Variants in RARB observed in about 807,000 individuals in gnomAD.
RARB encodes retinoic acid receptor beta.
A neutral mutation model predicts 51.9 loss-of-function variants in RARB; 17 were observed. The ratio of observed to expected loss-of-function variants is 0.33; its 90% CI spans 0.22 to 0.49. The LOEUF (loss-of-function observed/expected upper bound fraction) is 0.49. RARB is among the 20% of genes least tolerant of loss of function. RARB has a pLI of 0.99. For missense variants in RARB, 369 were observed against 550.8 expected (o/e 0.67, Z 3.30); for synonymous variants, 215 against 195.4 (o/e 1.10, Z -0.84).
intron 5 of RARB, among the ~76,000 whole-genome samples, chr3:25,300,977 A>C (rs1420992850): frequency 6.6e-6 from 1 of 152,206 alleles, no homozygotes; most frequent in African/African-American, 2.4e-5. Context: ...AGCCTGAGCT[A>C]CAAAGCGAGA....
chr3:25,344,772 C>T (rs1185041952), intron 5 of RARB, among the ~76,000 whole-genome samples: 2 of 152,068 alleles, frequency 1.3e-5, no homozygotes, highest in African/African-American at 4.8e-5. Flanking sequence ...AGTGTAACTC[C>T]TGGTCATTCT....
At chr3:24,912,511 G>C (rs1695011262) in intron 2 of RARB, among the ~76,000 whole-genome samples, 1 of 152,140 alleles carries the variant, frequency 6.6e-6, no homozygotes, top group Non-Finnish European at 1.5e-5. Flanking sequence ...GGGTGGCCCT[G>C]TAGGGAGAAT....
rs545975289 is a variant in RARB, at chr3:25,296,659, C to T, written c.178+122084C>T. ...ATTACTGGAGGGGGAAAAAAACCCT[C>T]ACTCTAACTGGGAGGGTCAACTTAT... is the stretch of plus-strand genomic sequence containing the variant. On this transcript the variant is annotated intron_variant, in intron 5 of 11. Transcript: ENST00000383772. Among the ~76,000 whole-genome samples, 4 of 152,272 alleles carry T rather than the reference C, an allele frequency of 2.6e-5. No individual in the cohort carries two copies. In the South Asian group the frequency reaches 6.2e-4, roughly 24 times the overall value.
intron 5 of RARB, among the ~76,000 whole-genome samples, chr3:25,229,492 T>C (rs1702127998): frequency 1.3e-5 from 2 of 152,170 alleles, no homozygotes; most frequent in African/African-American, 4.8e-5. Context: ...TTGCTATCTA[T>C]TACTGATATT....
chr3:25,035,883 G>T (rs1212554585), intron 2 of RARB, among the ~76,000 whole-genome samples: 1 of 152,158 alleles, frequency 6.6e-6, no homozygotes, highest in African/African-American at 2.4e-5. Flanking sequence ...GTGAGCCTCA[G>T]TGACTGCCAC....
intron 5 of RARB, among the ~76,000 whole-genome samples, chr3:25,367,706 G>T (rs968465731): frequency 6.7e-6 from 1 of 150,176 alleles, no homozygotes; most frequent in African/African-American, 2.5e-5. Context: ...TGCATCTGCA[G>T]TCTCAGCTAC....
intron 5 of RARB, among the ~76,000 whole-genome samples, chr3:25,200,697 T>G (rs9868930): frequency 0.51 from 76,793 of 151,394 alleles, 20,126 homozygotes; most frequent in African/African-American, 0.63. Context: ...ATTAAATAGG[T>G]AATCCTTTCC....
At chr3:25,174,564 C>T (rs924487641) in exon 5 of RARB, 18 of 1,351,982 alleles carry the variant, frequency 1.3e-5, no homozygotes, top group South Asian at 2.3e-5. Context: ...TGCAGCACCC[C>T]GTCGCCGGCA....
At chr3:25,540,216 C>A (rs1244624728) in intron 3 of RARB, among the ~76,000 whole-genome samples, 2 of 152,152 alleles carry the variant, frequency 1.3e-5, no homozygotes. Context: ...AAGCATCCAG[C>A]CAGCGAGACC....
chr3:25,124,534 C>T (rs953756794), intron 3 of RARB, among the ~76,000 whole-genome samples: 3 of 152,174 alleles, frequency 2.0e-5, no homozygotes, highest in African/African-American at 7.2e-5. Flanking sequence ...TCTTCACACC[C>T]TTTCTGGGCC....
At chr3:24,938,730 G>A (rs183889085) in intron 2 of RARB, among the ~76,000 whole-genome samples, 15 of 152,068 alleles carry the variant, frequency 9.9e-5, no homozygotes, top group Non-Finnish European at 1.9e-4. Context: ...CATTCTCCCC[G>A]CCCTCAGTCC....
At chr3:24,866,321 A>C (rs139108648) in intron 2 of RARB, among the ~76,000 whole-genome samples, 62 of 151,926 alleles carry the variant, frequency 4.1e-4, no homozygotes, top group African/African-American at 1.4e-3. Flanking sequence ...CCACACCTCA[A>C]ATCCACTCTA....
At chr3:25,108,667 T>C (rs1181915710) in intron 3 of RARB, among the ~76,000 whole-genome samples, 3 of 152,208 alleles carry the variant, frequency 2.0e-5, no homozygotes, top group East Asian at 3.8e-4. Context: ...GTCTCTGCTA[T>C]GGTGTTTTTG....
In RARB at chr3:25,000,798, C is replaced by G. The variant is rs559267399; in HGVS notation, c.-379-59327C>G. 2.0e-5 allele frequency among the ~76,000 whole-genome samples: 3 copies of G among 152,266 alleles called. No individual in the cohort carries two copies. The East Asian group carries it at 5.8e-4, about 29-fold the overall frequency. ...AATAATTGTACTCTTACAAATACTA[C>G]AGTTCACACCAGCTTACTTACAAAA... On this transcript the variant is annotated intron_variant, in intron 2 of 11. Coordinates refer to the RARB transcript ENST00000383772.
intron 3 of RARB, among the ~76,000 whole-genome samples, chr3:25,513,577 T>A (rs1265173232): frequency 6.6e-6 from 1 of 151,926 alleles, no homozygotes; most frequent in Admixed American, 6.6e-5. Flanking sequence ...TGACATGACA[T>A]CCCAATGCTG....
rs138748351 is a variant in RARB, at chr3:25,145,681, T to C, written c.-280+13473T>C. ...CCTGACTTATTACTAGCTAGAAAAT[T>C]GGAATGATATTGCTCTTCTTATACC... On this transcript the variant is annotated intron_variant, in intron 4 of 11. Coordinates refer to the RARB transcript ENST00000383772. Among the ~76,000 whole-genome samples, 47 of 152,134 alleles carry C rather than the reference T, an allele frequency of 3.1e-4. 1 individual carries two copies. Among genetic ancestry groups the C allele is most frequent in the Admixed American group, 5.9e-4 (9 of 15,276 alleles).
intron 2 of RARB, among the ~76,000 whole-genome samples, chr3:24,978,966 G>A (rs1696579839): frequency 6.6e-6 from 1 of 151,964 alleles, no homozygotes; most frequent in Non-Finnish European, 1.5e-5. Context: ...TGTTCTCATT[G>A]GTTTCAAAGA....
intron 2 of RARB, among the ~76,000 whole-genome samples, chr3:24,984,354 A>C (rs1199189621): frequency 6.6e-6 from 1 of 152,242 alleles, no homozygotes; most frequent in Non-Finnish European, 1.5e-5. Context: ...GAATTTATTT[A>C]GTACATACCA....
chr3:25,256,743 A>G (rs931504991), intron 5 of RARB, among the ~76,000 whole-genome samples: 1 of 152,128 alleles, frequency 6.6e-6, no homozygotes, highest in African/African-American at 2.4e-5. Flanking sequence ...TCAAGAAACC[A>G]ATTTGGCTAC....
Sources: gnomAD v4.1 joint callset for allele counts (sites outside exome capture counted in the v4.1 genomes callset) on GRCh38, gnomAD v4.1.1 for gene constraint, MANE v1.5 for transcripts, NCBI Gene and HGNC (gene_info 2026-07-23, HGNC 2026-07-21) for gene names.